The following SCLT1 variants were observed in gnomAD, a reference collection of about 807,000 sequenced individuals.
The protein encoded by SCLT1 is sodium channel-associated protein 1.
Under a neutral mutation model 112.8 loss-of-function variants are expected in SCLT1, and 78 were observed. The observed-to-expected ratio is 0.69, with a 90% confidence interval of 0.58 to 0.83. The LOEUF (loss-of-function observed/expected upper bound fraction) is 0.83. Ranked by LOEUF, SCLT1 falls within the 40% of genes least tolerant of loss-of-function variation. The pLI, the probability that SCLT1 is intolerant of heterozygous loss-of-function variation, is 0.00. For missense variants in SCLT1, 747 were observed against 770.4 expected (o/e 0.97, Z 0.36); for synonymous variants, 257 against 254.7 (o/e 1.01, Z -0.09).
intron 9 of SCLT1, among the ~76,000 whole-genome samples, chr4:128,989,074 C>T (rs921825271): frequency 6.6e-6 from 1 of 151,788 alleles, no homozygotes; most frequent in Non-Finnish European, 1.5e-5. Flanking sequence ...AGATAATCTA[C>T]ATAGAATACC....
intron 9 of SCLT1, among the ~76,000 whole-genome samples, chr4:128,984,910 C>T (rs971628815): frequency 9.9e-5 from 15 of 151,040 alleles, no homozygotes; most frequent in Non-Finnish European, 1.9e-4. Context: ...CAGATATACA[C>T]ATTTACTGGT....
chr4:128,878,095 ATATCT>A (rs1732562709), intron 3 of SCLT1, among the ~76,000 whole-genome samples: 1 of 152,340 alleles, frequency 6.6e-6, no homozygotes, highest in African/African-American at 2.4e-5. Context: ...TTGAGAACTA[ATATCT>A]TAACACTAAA....
At chr4:128,945,846 T>C (rs889805954) in intron 16 of SCLT1, among the ~76,000 whole-genome samples, 161 bp downstream of exon 16, 1 of 152,128 alleles carries the variant, frequency 6.6e-6, no homozygotes, top group Non-Finnish European at 1.5e-5. Context: ...GAAATTCGCT[T>C]TCAGAAATAA....
At chr4:128,927,973 C>T (rs1266726476) in intron 18 of SCLT1, among the ~76,000 whole-genome samples, 1 of 151,528 alleles carries the variant, frequency 6.6e-6, no homozygotes, top group Non-Finnish European at 1.5e-5. Context: ...GAAAAACATC[C>T]AAAAATACTA....
intron 7 of SCLT1, among the ~76,000 whole-genome samples, chr4:128,999,193 T>C (rs1032416681): frequency 6.6e-6 from 1 of 152,028 alleles, no homozygotes; most frequent in Non-Finnish European, 1.5e-5. Flanking sequence ...TAAAATTCTA[T>C]TCTGATTAAT....
intron 2 of SCLT1, among the ~76,000 whole-genome samples, chr4:129,046,126 T>C (rs1748154432): frequency 6.6e-6 from 1 of 152,112 alleles, no homozygotes; most frequent in Non-Finnish European, 1.5e-5. Context: ...AAGGTGAATA[T>C]ACTCATGTAA....
At position 128,999,545 on chromosome 4, in the gene SCLT1, T is replaced by C. The variant is rs546093780; in HGVS notation, c.549+127A>G. ...ATCAAAGATCTATATATTATTAACA[T>C]AAATAATAAAGTGATTAGAAATTCT... On this transcript the variant is annotated intron_variant, in intron 7 of 20. Transcript: ENST00000281142. 5.2e-4 allele frequency: 278 copies of C among 529,710 alleles called. 6 individuals carry two copies. In the South Asian group the frequency reaches 7.6e-3, roughly 15 times the overall value. The allele number at this position is 529,710 out of a possible 1,614,324, so 32.8% of individuals were successfully genotyped here.
At chr4:128,899,879 T>C (rs1392032653) in intron 18 of SCLT1, among the ~76,000 whole-genome samples, 1 of 152,080 alleles carries the variant, frequency 6.6e-6, no homozygotes, top group African/African-American at 2.4e-5. Context: ...TATACACCAA[T>C]AACAGACAAA....
At chr4:129,070,167 G>C (rs1360796084) in intron 2 of SCLT1, among the ~76,000 whole-genome samples, 1 of 152,106 alleles carries the variant, frequency 6.6e-6, no homozygotes, top group South Asian at 2.1e-4. Flanking sequence ...CTAGTATTTT[G>C]TTAAGGATTT....
At chr4:128,946,205 A>C (rs917044394) in intron 15 of SCLT1, 53 bp from the exon 16 acceptor site, 4 of 1,246,020 alleles carry the variant, frequency 3.2e-6, no homozygotes, top group Non-Finnish European at 4.5e-6. Context: ...CTGTCTTAAT[A>C]AACAGTTTAG....
intron 18 of SCLT1, among the ~76,000 whole-genome samples, chr4:128,906,067 T>C (rs762447458): frequency 6.6e-6 from 1 of 152,232 alleles, no homozygotes; most frequent in Non-Finnish European, 1.5e-5. Flanking sequence ...CTATGCATGC[T>C]TTAATTAATT....
intron 18 of SCLT1, among the ~76,000 whole-genome samples, chr4:128,901,215 T>G (rs1734262745): frequency 6.6e-6 from 1 of 152,178 alleles, no homozygotes; most frequent in African/African-American, 2.4e-5. Context: ...TAAAGACACA[T>G]GCACACATAT....
At chr4:128,901,103 G>T (rs1268058834) in intron 18 of SCLT1, among the ~76,000 whole-genome samples, 4 of 152,218 alleles carry the variant, frequency 2.6e-5, no homozygotes, top group Non-Finnish European at 5.9e-5. Flanking sequence ...CATTGTGGAA[G>T]TCAGTGAGGC....
chr4:128,975,060 A>ATTTT (rs1741038463), intron 9 of SCLT1, among the ~76,000 whole-genome samples: 1 of 24,094 alleles, frequency 4.2e-5, no homozygotes. Context: ...TTTTTTTGAG[A>ATTTT]TGGAGTCTCG....
chr4:128,912,314 C>T (rs1579355653), intron 18 of SCLT1, among the ~76,000 whole-genome samples: 1 of 152,140 alleles, frequency 6.6e-6, no homozygotes, highest in African/African-American at 2.4e-5. Flanking sequence ...GAAGTACCAT[C>T]TAGCAGTTAG....
chr4:128,896,013 C>T (rs1733723593), intron 18 of SCLT1, among the ~76,000 whole-genome samples: 1 of 152,256 alleles, frequency 6.6e-6, no homozygotes, highest in African/African-American at 2.4e-5. Context: ...ATTGCCAAAG[C>T]TTGAGTAGGT....
At chr4:129,019,244 A>G (rs1745241789) in intron 5 of SCLT1, among the ~76,000 whole-genome samples, 1 of 152,224 alleles carries the variant, frequency 6.6e-6, no homozygotes, top group African/African-American at 2.4e-5. Flanking sequence ...CAATTATTCC[A>G]AACAGACAAT....
At chr4:128,975,510 T>G (rs1213281379) in intron 9 of SCLT1, among the ~76,000 whole-genome samples, 4 of 152,282 alleles carry the variant, frequency 2.6e-5, no homozygotes, top group East Asian at 1.9e-4. Flanking sequence ...GAGTCTATTT[T>G]AAGACAAATT....
At chr4:129,038,836 T>C (rs1286996409) in intron 5 of SCLT1, among the ~76,000 whole-genome samples, 2 of 152,178 alleles carry the variant, frequency 1.3e-5, no homozygotes, top group Non-Finnish European at 2.9e-5. Context: ...CTCTGATTTA[T>C]AGAAGAGGAC....
Sources: gnomAD v4.1 joint callset for allele counts (sites outside exome capture counted in the v4.1 genomes callset) on GRCh38, gnomAD v4.1.1 for gene constraint, MANE v1.5 for transcripts, NCBI Gene and HGNC (gene_info 2026-07-23, HGNC 2026-07-21) for gene names.